The following PDE4D variants were observed in gnomAD, a reference collection of about 807,000 sequenced individuals.
PDE4D encodes the protein 3',5'-cyclic-AMP phosphodiesterase 4D.
Under a neutral mutation model 87.4 loss-of-function variants are expected in PDE4D, and 24 were observed. The observed-to-expected ratio is 0.27, with a 90% CI of 0.20 to 0.39. The LOEUF is 0.39. Ranked by LOEUF, PDE4D falls within the 10% of genes least tolerant of loss-of-function variation. The pLI is 1.00. For synonymous variants in PDE4D, 384 were observed against 383.2 expected, an observed-to-expected ratio of 1.00 and a Z score of -0.02; for missense variants, 714 against 1,041.0, an observed-to-expected ratio of 0.69 and a Z score of 4.32.
At chr5:60,171,946 T>C (rs976159615) in intron 2 of PDE4D, among the ~76,000 whole-genome samples, 4 of 151,622 alleles carry the variant, frequency 2.6e-5, no homozygotes, top group African/African-American at 9.7e-5. Flanking sequence ...TATTCTCTTA[T>C]TTCAAATATG....
chr5:59,150,369 A>G (rs570172006), intron 5 of PDE4D, among the ~76,000 whole-genome samples: 20 of 152,322 alleles, frequency 1.3e-4, no homozygotes, highest in African/African-American at 4.8e-4. Flanking sequence ...TTATTTTCCC[A>G]TAAAATTCCA....
intron 1 of PDE4D, among the ~76,000 whole-genome samples, chr5:60,485,616 C>T (rs529529131): frequency 6.6e-6 from 1 of 152,110 alleles, no homozygotes; most frequent in African/African-American, 2.4e-5. Flanking sequence ...TTTACAGAAC[C>T]TTATCTGCAA....
chr5:59,240,881 C>A (rs564327891), intron 1 of PDE4D, among the ~76,000 whole-genome samples: 71 of 152,050 alleles, frequency 4.7e-4, no homozygotes, highest in African/African-American at 1.7e-3. Context: ...AGTTAGATAA[C>A]CTGGCCTAAA....
intron 1 of PDE4D, among the ~76,000 whole-genome samples, chr5:60,224,430 G>A (rs1483441251): frequency 6.6e-6 from 1 of 152,084 alleles, no homozygotes; most frequent in Non-Finnish European, 1.5e-5. Context: ...TAAGAACTGG[G>A]TTGTGTGATT....
intron 5 of PDE4D, among the ~76,000 whole-genome samples, chr5:59,110,838 C>G (rs1005335802): frequency 6.6e-6 from 1 of 152,110 alleles, no homozygotes; most frequent in African/African-American, 2.4e-5. Context: ...TGCCACTACA[C>G]CCCAGACTGG....
chr5:59,716,172 ACT>A (rs1323826056), intron 1 of PDE4D, among the ~76,000 whole-genome samples: 1 of 152,078 alleles, frequency 6.6e-6, no homozygotes, highest in Admixed American at 6.5e-5. Flanking sequence ...CAGGCTCACA[ACT>A]CTGCACATTA....
intron 1 of PDE4D, among the ~76,000 whole-genome samples, chr5:60,337,855 A>G (rs954252562): frequency 1.3e-5 from 2 of 152,148 alleles, no homozygotes; most frequent in Non-Finnish European, 2.9e-5. Flanking sequence ...TGGAACTATA[A>G]AGATGAAAAT....
chr5:60,256,829 A>G (rs552767039), intron 1 of PDE4D, among the ~76,000 whole-genome samples: 1 of 152,008 alleles, frequency 6.6e-6, no homozygotes, highest in African/African-American at 2.4e-5. Flanking sequence ...ATGTGCAAAC[A>G]TACTGAGGTA....
At chr5:60,109,016 TAA>T (rs1777367912) in intron 2 of PDE4D, among the ~76,000 whole-genome samples, 1 of 152,140 alleles carries the variant, frequency 6.6e-6, no homozygotes, top group Non-Finnish European at 1.5e-5. Context: ...AAATAGGATC[TAA>T]TTAAACTAAA....
chr5:59,247,907 C>T (rs1236686192), intron 1 of PDE4D, among the ~76,000 whole-genome samples: 1 of 151,590 alleles, frequency 6.6e-6, no homozygotes, highest in Admixed American at 6.6e-5. Flanking sequence ...CTCCAGTCCA[C>T]CTGGCCTTCC....
chr5:59,751,728 T>C (rs1457563621), intron 1 of PDE4D, among the ~76,000 whole-genome samples: 2 of 151,898 alleles, frequency 1.3e-5, no homozygotes, highest in African/African-American at 2.4e-5. Context: ...CTAAACCCCA[T>C]GTAATCCCCA....
intron 5 of PDE4D, among the ~76,000 whole-genome samples, chr5:59,128,015 CGTGTGTGTGTGTGTGTGTGTGT>C (rs55796726): frequency 6.9e-6 from 1 of 144,332 alleles, no homozygotes; most frequent in East Asian, 2.2e-4. Flanking sequence ...CTTTCAGAGC[CGTGTGTGTGTGTGTGTGTGTGT>C]GTGTGTGTGT....
At chr5:59,883,305 G>A (rs527774452) in intron 1 of PDE4D, among the ~76,000 whole-genome samples, 18 of 152,262 alleles carry the variant, frequency 1.2e-4, no homozygotes, top group Admixed American at 9.8e-4. Context: ...AATCAAATTC[G>A]GGTATTCAGG....
intron 6 of PDE4D, among the ~76,000 whole-genome samples, chr5:59,015,534 G>C (rs79444163): frequency 0.091 from 13,598 of 148,980 alleles, 870 homozygotes; most frequent in Non-Finnish European, 0.12. Flanking sequence ...TGCTCATCAT[G>C]ACTGGCCATC....
chr5:60,275,808 C>T (rs1051753111), intron 1 of PDE4D, among the ~76,000 whole-genome samples: 4 of 151,790 alleles, frequency 2.6e-5, no homozygotes, highest in Non-Finnish European at 5.9e-5. Context: ...TTAGTTGTGT[C>T]CCACAAATTT....
At chr5:60,394,190 T>A in intron 1 of PDE4D, among the ~76,000 whole-genome samples, 1 of 152,176 alleles carries the variant, frequency 6.6e-6, no homozygotes. Flanking sequence ...ACATGAAGAC[T>A]CCAAAATATG....
chr5:59,689,631 G>A (rs377626394), intron 1 of PDE4D, among the ~76,000 whole-genome samples: 2 of 152,088 alleles, frequency 1.3e-5, no homozygotes, highest in Non-Finnish European at 2.9e-5. Flanking sequence ...ATGGGCAAAA[G>A]CTAGAAGCAT....
At chr5:59,133,990 T>C (rs1485856195) in intron 5 of PDE4D, among the ~76,000 whole-genome samples, 1 of 150,792 alleles carries the variant, frequency 6.6e-6, no homozygotes, top group Non-Finnish European at 1.5e-5. Context: ...AGTTTTGTTG[T>C]TGTTGTTGTT....
At chr5:59,211,266 T>C (rs1750018213) in intron 2 of PDE4D, among the ~76,000 whole-genome samples, 1 of 152,198 alleles carries the variant, frequency 6.6e-6, no homozygotes, top group African/African-American at 2.4e-5. Context: ...ATCATCTATA[T>C]TTAACAAATT....
Sources: allele counts gnomAD v4.1 joint callset (sites outside exome capture counted in the v4.1 genomes callset), GRCh38; gene constraint gnomAD v4.1.1; transcripts MANE v1.5; gene names NCBI Gene and HGNC (gene_info 2026-07-23, HGNC 2026-07-21).